KCTD16: variants seen among roughly 807,000 people sequenced by gnomAD.
KCTD16 encodes the protein BTB/POZ domain-containing protein KCTD16.
KCTD16 carries 13 observed loss-of-function variants against 33.2 expected under a neutral mutation model. That is an observed-to-expected ratio of 0.39 (90% CI 0.25 to 0.62). The LOEUF (loss-of-function observed/expected upper bound fraction) is 0.62. Ranked by LOEUF, KCTD16 falls within the 20% of genes least tolerant of loss-of-function variation. The pLI is 0.50. For synonymous variants in KCTD16, 197 were observed against 195.3 expected (o/e 1.01, Z -0.07); for missense variants, 441 against 525.1 (o/e 0.84, Z 1.57).
chr5:144,182,656 G>A (rs957451494), intron 2 of KCTD16, among the ~76,000 whole-genome samples: 2 of 152,022 alleles, frequency 1.3e-5, no homozygotes, highest in African/African-American at 2.4e-5. Context: ...ACACACCAGC[G>A]ATTGCTTGAG....
intron 3 of KCTD16, among the ~76,000 whole-genome samples, chr5:144,349,776 T>C (rs1382878183): frequency 1.3e-5 from 2 of 152,146 alleles, no homozygotes; most frequent in African/African-American, 2.4e-5. Flanking sequence ...CTTGAGCCAC[T>C]ACCTTTCCCC....
At chr5:144,357,415 G>A (rs1751594972) in intron 3 of KCTD16, among the ~76,000 whole-genome samples, 1 of 152,170 alleles carries the variant, frequency 6.6e-6, no homozygotes, top group Non-Finnish European at 1.5e-5. Context: ...GGCGATGTAG[G>A]ATCAGAATCA....
chr5:144,256,182 G>A (rs1339505080), intron 3 of KCTD16, among the ~76,000 whole-genome samples: 1 of 152,086 alleles, frequency 6.6e-6, no homozygotes, highest in African/African-American at 2.4e-5. Flanking sequence ...CTTTCCTCAC[G>A]AACTGGGCAT....
At chr5:144,397,246 C>A (rs1752592757) in intron 3 of KCTD16, among the ~76,000 whole-genome samples, 1 of 152,046 alleles carries the variant, frequency 6.6e-6, no homozygotes, top group Non-Finnish European at 1.5e-5. Context: ...CTACAAAGGA[C>A]ATGAACTCAT....
Position 144,181,180 on chromosome 5 carries a change from G to C in KCTD16, c.-327+6708G>C, listed in dbSNP as rs1005402176. On this transcript the variant is annotated intron_variant, in intron 2 of 3. Transcript: ENST00000512467. ...GATCTCCTGACCTCATGATCCGCCC[G>C]CCTCTGCCTCCCAAAGTGCTGGGAT... Among the ~76,000 whole-genome samples, 309 of 152,182 alleles carry C rather than the reference G, an allele frequency of 2.0e-3. 3 individuals carry two copies. Among genetic ancestry groups the C allele is most frequent in the African/African-American group, 6.8e-3 (283 of 41,542 alleles).
chr5:144,183,058 TAAAAG>T (rs1407872400), intron 2 of KCTD16, among the ~76,000 whole-genome samples: 2 of 145,976 alleles, frequency 1.4e-5, no homozygotes, highest in Non-Finnish European at 1.5e-5. Context: ...AAAAAAAAAA[TAAAAG>T]AGTGGGAGTA....
chr5:144,238,397 A>G lies in KCTD16; in HGVS notation c.832+30851A>G, dbSNP rs535612784. On this transcript the variant is annotated intron_variant, in intron 3 of 3. Coordinates refer to ENST00000512467, the MANE Select transcript of KCTD16 (RefSeq NM_020768.4). ...TACCTGGAAACCTGGAGAATCGATG[A>G]GCTCATTTGCCTTTCATTTAGGAGT... is the stretch of plus-strand genomic sequence containing the variant. Among the ~76,000 whole-genome samples, 6 of 152,224 alleles carry G rather than the reference A, an allele frequency of 3.9e-5. No individual in the cohort carries two copies. In the South Asian group the frequency reaches 1.0e-3, roughly 26 times the overall value.
chr5:144,427,945 C>T (rs1753371179), intron 3 of KCTD16, among the ~76,000 whole-genome samples: 1 of 152,070 alleles, frequency 6.6e-6, no homozygotes, highest in South Asian at 2.1e-4. Context: ...GTAATAATAA[C>T]TACCCCAGCA....
At chr5:144,444,792 T>G (rs923156600) in intron 3 of KCTD16, among the ~76,000 whole-genome samples, 1 of 151,460 alleles carries the variant, frequency 6.6e-6, no homozygotes, top group Non-Finnish European at 1.5e-5. Context: ...TGTTGTCGTC[T>G]ATTCCAGATT....
chr5:144,407,188 T>A (rs563189444), intron 3 of KCTD16, among the ~76,000 whole-genome samples: 133 of 129,618 alleles, frequency 1.0e-3, no homozygotes, highest in African/African-American at 3.5e-3. Context: ...CATCTTTTTT[T>A]AAAAAAATTC....
chr5:144,419,301 G>A (rs61097502), intron 3 of KCTD16, among the ~76,000 whole-genome samples: 12,547 of 152,160 alleles, frequency 0.082, 1,706 homozygotes, highest in African/African-American at 0.28. Context: ...CTTTTTCTCA[G>A]TTCTGTTGCT....
chr5:144,471,370 C>G lies in KCTD16; in HGVS notation c.833-2290C>G, dbSNP rs116579548. On this transcript the variant is annotated intron_variant, in intron 3 of 3. Coordinates refer to ENST00000512467, the MANE Select transcript of KCTD16 (RefSeq NM_020768.4). ...ATGGCCAAAATATTTTGTAATCTTG[C>G]TTTAAGGTAATAGGTGTATCCCAGC... 4.9e-3 allele frequency among the ~76,000 whole-genome samples: 741 copies of G among 152,272 alleles called. 7 individuals are homozygous for G. The highest frequency in any genetic ancestry group is 0.016 in the African/African-American group (682 of 41,554).
chr5:144,234,647 G>A lies in KCTD16; in HGVS notation c.832+27101G>A, dbSNP rs539143151. 8.5e-4 allele frequency among the ~76,000 whole-genome samples: 129 copies of A among 152,028 alleles called. 1 individual carries two copies. The highest frequency in any genetic ancestry group is 3.3e-3 in the South Asian group (16 of 4,822). On this transcript the variant is annotated intron_variant, in intron 3 of 3. Coordinates refer to ENST00000512467, the MANE Select transcript of KCTD16 (RefSeq NM_020768.4). ...GACAAACTGAGTCTCAGATTTTCTT[G>A]CAAAAAATGGGAATAAATTTTCCCA... is the stretch of plus-strand genomic sequence containing the variant.
chr5:144,352,312 A>G (rs994826822), intron 3 of KCTD16, among the ~76,000 whole-genome samples: 14 of 152,306 alleles, frequency 9.2e-5, no homozygotes, highest in Middle Eastern at 3.4e-3. Flanking sequence ...GGGCAGACAT[A>G]TGAAGAAACC....
At chr5:144,375,935 T>C (rs940122432) in intron 3 of KCTD16, among the ~76,000 whole-genome samples, 1 of 151,926 alleles carries the variant, frequency 6.6e-6, no homozygotes, top group African/African-American at 2.4e-5. Flanking sequence ...CTCAGCCTCC[T>C]GAGGCAGGAG....
chr5:144,228,875 T>G (rs1183009624), intron 3 of KCTD16, among the ~76,000 whole-genome samples: 1 of 152,220 alleles, frequency 6.6e-6, no homozygotes, highest in African/African-American at 2.4e-5. Context: ...CTACGTATAG[T>G]AATATAGTAC....
intron 3 of KCTD16, among the ~76,000 whole-genome samples, chr5:144,437,465 C>T (rs1397206823): frequency 6.6e-6 from 1 of 152,140 alleles, no homozygotes; most frequent in Non-Finnish European, 1.5e-5. Context: ...GATTAAGATA[C>T]TTACCTCATT....
chr5:144,225,454 T>C (rs1469251409), intron 3 of KCTD16, among the ~76,000 whole-genome samples: 2 of 151,924 alleles, frequency 1.3e-5, no homozygotes, highest in African/African-American at 4.8e-5. Flanking sequence ...GGCACAGAAT[T>C]TCATAGTACA....
chr5:144,337,909 A>G (rs1364632783), intron 3 of KCTD16, among the ~76,000 whole-genome samples: 1 of 152,192 alleles, frequency 6.6e-6, no homozygotes, highest in Non-Finnish European at 1.5e-5. Context: ...GAAATGGGGA[A>G]AATGATAATA....
Sources: allele counts gnomAD v4.1 joint callset (sites outside exome capture counted in the v4.1 genomes callset), GRCh38; gene constraint gnomAD v4.1.1; transcripts MANE v1.5; gene names NCBI Gene and HGNC (gene_info 2026-07-23, HGNC 2026-07-21).